The following GRB14 variants were observed in gnomAD, a reference collection of about 807,000 sequenced individuals.
The protein encoded by GRB14 is growth factor receptor bound protein 14, also known as growth factor receptor-bound protein 14.
A neutral mutation model predicts 69.1 loss-of-function variants in GRB14; 38 were observed. That is an observed-to-expected ratio of 0.55 (90% CI 0.42 to 0.72). The LOEUF (loss-of-function observed/expected upper bound fraction) is 0.72. GRB14 is among the 30% of genes least tolerant of loss of function. The probability of loss-of-function intolerance (pLI) is 0.00; values close to 1 mark genes in which losing one functional copy is unlikely to be tolerated. For synonymous variants in GRB14, 247 were observed against 241.3 expected, an observed-to-expected ratio of 1.02 and a Z score of -0.22; for missense variants, 666 against 666.1, an observed-to-expected ratio of 1.00 and a Z score of 0.00.
At chr2:164,599,668 G>T (rs1689868468) in intron 2 of GRB14, among the ~76,000 whole-genome samples, 1 of 152,138 alleles carries the variant, frequency 6.6e-6, no homozygotes, top group African/African-American at 2.4e-5. Context: ...AAGTTTTAAA[G>T]AAAGTATTTG....
At chr2:164,494,744 T>G (rs1686847643) in intron 12 of GRB14, among the ~76,000 whole-genome samples, 1 of 152,162 alleles carries the variant, frequency 6.6e-6, no homozygotes, top group African/African-American at 2.4e-5. Context: ...ATAGGCTAAA[T>G]ACACAACCCA....
chr2:164,580,863 A>C (rs771305865), intron 2 of GRB14, among the ~76,000 whole-genome samples: 7 of 152,190 alleles, frequency 4.6e-5, no homozygotes, highest in Non-Finnish European at 8.8e-5. Context: ...CATGCTTTGA[A>C]AACTCCCAGT....
intron 2 of GRB14, among the ~76,000 whole-genome samples, chr2:164,613,121 G>A (rs1030818349): frequency 6.6e-6 from 1 of 152,100 alleles, no homozygotes; most frequent in African/African-American, 2.4e-5. Flanking sequence ...TGAAACAACT[G>A]CCCAATAAGT....
At chr2:164,524,876 C>T in intron 5 of GRB14, 128 bp downstream of exon 5, 10 of 543,994 alleles carry the variant, frequency 1.8e-5, no homozygotes, top group East Asian at 3.4e-5. Flanking sequence ...TTAGTTTTAC[C>T]TCCAGCAAAA....
chr2:164,517,382 A>G (rs1486653815), intron 6 of GRB14, among the ~76,000 whole-genome samples: 2 of 152,190 alleles, frequency 1.3e-5, no homozygotes, highest in Non-Finnish European at 2.9e-5. Flanking sequence ...AAACCATATC[A>G]CCATCTTACA....
At chr2:164,582,592 C>T (rs1574331509) in intron 2 of GRB14, among the ~76,000 whole-genome samples, 4 of 151,688 alleles carry the variant, frequency 2.6e-5, no homozygotes, top group South Asian at 4.2e-4. Context: ...GGCTAATTTT[C>T]GTATTTTTAG....
At chr2:164,502,471 G>A (rs1687081570) in intron 8 of GRB14, 136 bp from the exon 9 acceptor site, 2 of 571,700 alleles carry the variant, frequency 3.5e-6, no homozygotes, top group Admixed American at 5.8e-5. Flanking sequence ...CCAAAATTTT[G>A]AAAGATGAAC....
At chr2:164,592,552 C>T (rs919927455) in intron 2 of GRB14, among the ~76,000 whole-genome samples, 12 of 152,196 alleles carry the variant, frequency 7.9e-5, no homozygotes, top group African/African-American at 2.7e-4. Flanking sequence ...TGGGCACCAC[C>T]AGGCTGGGAT....
chr2:164,508,106 C>T (rs185340880), intron 8 of GRB14, among the ~76,000 whole-genome samples: 32 of 152,274 alleles, frequency 2.1e-4, no homozygotes, highest in African/African-American at 7.5e-4. Flanking sequence ...TTAAAATACA[C>T]TTTACCTTGG....
At chr2:164,582,420 T>A (rs1689430324) in intron 2 of GRB14, among the ~76,000 whole-genome samples, 1 of 101,284 alleles carries the variant, frequency 9.9e-6, no homozygotes, top group African/African-American at 4.8e-5. Context: ...TTTATTTATT[T>A]ATTATTTTTT....
rs1167696958 is a variant in GRB14 at position 164,620,090 on chromosome 2, C to G, written c.192-271G>C. The G allele has an allele frequency of 1.7e-5, 4 of 240,780 alleles. No homozygotes were observed. In the Admixed American group the frequency reaches 2.6e-4, roughly 16 times the overall value. The allele number at this position is 240,780 out of a possible 1,614,324, so 14.9% of individuals were successfully genotyped here. On this transcript the variant is annotated intron_variant, in intron 1 of 13. Coordinates refer to ENST00000263915, the MANE Select transcript of GRB14 (RefSeq NM_004490.3). ...CTCCCACCACCCCTCCCCCCCCCAC[C>G]GCCTTCTCTCTCTCTTGCCTTTAAA...
intron 2 of GRB14, among the ~76,000 whole-genome samples, chr2:164,588,216 T>C (rs1364597704): frequency 6.6e-6 from 1 of 152,214 alleles, no homozygotes; most frequent in East Asian, 1.9e-4. Context: ...AATGATTCAT[T>C]TGATGGTTTC....
At chr2:164,525,422 G>C (rs1476653479) in intron 4 of GRB14, among the ~76,000 whole-genome samples, 1 of 152,050 alleles carries the variant, frequency 6.6e-6, no homozygotes, top group Non-Finnish European at 1.5e-5. Context: ...GACTATCCAT[G>C]ACATTTTACA....
At chr2:164,576,273 GA>G (rs1288279771) in intron 2 of GRB14, among the ~76,000 whole-genome samples, 4 of 150,048 alleles carry the variant, frequency 2.7e-5, no homozygotes, top group Non-Finnish European at 1.5e-5. Flanking sequence ...CTCAAAGCCT[GA>G]ATAACAAGAG....
At chr2:164,494,562 A>C in intron 12 of GRB14, 38 bp from the exon 13 acceptor site, 1 of 1,026,552 alleles carries the variant, frequency 9.7e-7, no homozygotes, top group Non-Finnish European at 1.6e-6. Flanking sequence ...TTCTATATTT[A>C]CTCATGGATT....
At chr2:164,562,370 T>C (rs1260791471) in intron 2 of GRB14, among the ~76,000 whole-genome samples, 2 of 152,178 alleles carry the variant, frequency 1.3e-5, no homozygotes, top group Non-Finnish European at 1.5e-5. Flanking sequence ...GCGTATATAG[T>C]TGGATTCATT....
At chr2:164,526,447 G>T (rs910155888) in intron 4 of GRB14, among the ~76,000 whole-genome samples, 4 of 151,728 alleles carry the variant, frequency 2.6e-5, no homozygotes, top group Non-Finnish European at 5.9e-5. Flanking sequence ...ATAATGCACT[G>T]GTCTTTATCT....
At chr2:164,511,837 C>T (rs1363252160) in intron 6 of GRB14, among the ~76,000 whole-genome samples, 1 of 152,114 alleles carries the variant, frequency 6.6e-6, no homozygotes, top group Non-Finnish European at 1.5e-5. Flanking sequence ...TCTGAGGGGT[C>T]CCCAGTTCTG....
chr2:164,573,053 C>A lies in GRB14; in HGVS notation c.325-25237G>T, dbSNP rs1392969667. ...CAAGCAGCCATCCCTCCATATAAAT[C>A]ATATCACTCCCTGTTTTGTAATTTT... On this transcript the variant is annotated intron_variant, in intron 2 of 13. Coordinates refer to ENST00000263915, the MANE Select transcript of GRB14 (RefSeq NM_004490.3). Among the ~76,000 whole-genome samples the A allele has an allele frequency of 2.0e-5, 3 of 152,180 alleles. No individual in the cohort carries two copies. In the East Asian group the frequency reaches 5.8e-4, roughly 29 times the overall value.
Sources: gnomAD v4.1 joint callset for allele counts (sites outside exome capture counted in the v4.1 genomes callset) on GRCh38, gnomAD v4.1.1 for gene constraint, MANE v1.5 for transcripts, NCBI Gene and HGNC (gene_info 2026-07-23, HGNC 2026-07-21) for gene names.